Variants in ADGB observed in about 807,000 individuals in gnomAD.
ADGB encodes androglobin, also known as calpain-7-like protein.
Under a neutral mutation model 210.5 loss-of-function variants are expected in ADGB, and 172 were observed. The ratio of observed to expected loss-of-function variants is 0.82; its 90% confidence interval spans 0.72 to 0.93. The LOEUF (loss-of-function observed/expected upper bound fraction) is 0.93. ADGB is among the 40% of genes least tolerant of loss of function. The pLI is 0.00. For missense variants in ADGB, 2,025 were observed against 1,964.8 expected, an observed-to-expected ratio of 1.03 and a Z score of -0.58; for synonymous variants, 658 against 662.7, an observed-to-expected ratio of 0.99 and a Z score of 0.11.
intron 1 of ADGB, among the ~76,000 whole-genome samples, chr6:146,629,896 T>C (rs908616836): frequency 6.6e-6 from 1 of 152,172 alleles, no homozygotes; most frequent in African/African-American, 2.4e-5. Context: ...AGGATGATAG[T>C]AGATTAATAT....
chr6:146,766,450 T>A (rs1159685707), intron 28 of ADGB, among the ~76,000 whole-genome samples: 1 of 145,864 alleles, frequency 6.9e-6, no homozygotes. Context: ...TAAATTAAAT[T>A]AAATTAAATT....
chr6:146,719,678 T>C (rs1025847627), intron 16 of ADGB, among the ~76,000 whole-genome samples: 6 of 152,188 alleles, frequency 3.9e-5, no homozygotes, highest in Admixed American at 3.9e-4. Flanking sequence ...TGGTGCCATG[T>C]GCTGGCACCA....
chr6:146,715,119 T>A (rs1039412709), intron 13 of ADGB, among the ~76,000 whole-genome samples: 3 of 152,242 alleles, frequency 2.0e-5, no homozygotes, highest in Non-Finnish European at 4.4e-5. Context: ...TAACTCTTGT[T>A]ACAAGATTCA....
rs530266252 is a variant in ADGB at position 146,714,340 on chromosome 6, G to T, written c.1708-1042G>T. Among the ~76,000 whole-genome samples the T allele has an allele frequency of 4.0e-5, 6 of 151,496 alleles. No individual in the cohort carries two copies. The East Asian group carries it at 1.2e-3, about 29-fold the overall frequency. ...GTTTTTTTTTTTTTCCCCTGACTCTGGTGAGTTTCTCAGTTAATGGTCCTC... is the reference window on the plus strand; with the variant it reads ...GTTTTTTTTTTTTTCCCCTGACTCTTGTGAGTTTCTCAGTTAATGGTCCTC... On this transcript the variant is annotated intron_variant, in intron 13 of 35. Coordinates refer to ENST00000397944, the MANE Select transcript of ADGB (RefSeq NM_024694.4).
intron 25 of ADGB, among the ~76,000 whole-genome samples, chr6:146,741,473 C>T (rs367704560): frequency 1.9e-4 from 29 of 152,210 alleles, no homozygotes; most frequent in African/African-American, 5.5e-4. Flanking sequence ...TACCTCTCAA[C>T]GCTCTTTCTT....
intron 23 of ADGB, among the ~76,000 whole-genome samples, chr6:146,738,038 A>C (rs1777105605): frequency 6.6e-6 from 1 of 152,218 alleles, no homozygotes; most frequent in Admixed American, 6.5e-5. Context: ...TTTTATGGTT[A>C]AGAACACGTA....
intron 3 of ADGB, among the ~76,000 whole-genome samples, chr6:146,651,337 G>A (rs1775697348): frequency 6.6e-6 from 1 of 152,168 alleles, no homozygotes. Context: ...CTCACAAAGG[G>A]CACCAAATTA....
intron 1 of ADGB, among the ~76,000 whole-genome samples, chr6:146,605,085 T>C (rs1780613052): frequency 6.6e-6 from 1 of 152,100 alleles, no homozygotes; most frequent in Non-Finnish European, 1.5e-5. Context: ...ATGACAGGGA[T>C]AGATTAAGGA....
At chr6:146,805,245 G>C (rs1364463775) in intron 35 of ADGB, among the ~76,000 whole-genome samples, 1 of 152,130 alleles carries the variant, frequency 6.6e-6, no homozygotes, top group Non-Finnish European at 1.5e-5. Flanking sequence ...ACATTTCACT[G>C]ACCAGAGCAA....
At chr6:146,680,240 T>G (rs1482148322) in intron 9 of ADGB, among the ~76,000 whole-genome samples, 1 of 152,106 alleles carries the variant, frequency 6.6e-6, no homozygotes, top group Non-Finnish European at 1.5e-5. Context: ...GTGCTCTCAA[T>G]TACAATTCCC....
intron 13 of ADGB, among the ~76,000 whole-genome samples, chr6:146,709,446 A>G (rs1261107476): frequency 6.6e-6 from 1 of 152,170 alleles, no homozygotes; most frequent in Non-Finnish European, 1.5e-5. Flanking sequence ...GTACTCCTTG[A>G]ACAGGCTGGT....
At chr6:146,767,135 GAAGTGT>G (rs1226454760) in intron 28 of ADGB, among the ~76,000 whole-genome samples, 1 of 152,156 alleles carries the variant, frequency 6.6e-6, no homozygotes, top group Non-Finnish European at 1.5e-5. Flanking sequence ...ACTAATGTGG[GAAGTGT>G]AAGTGTGTTC....
At position 146,654,160 on chromosome 6, in the gene ADGB, T is replaced by C; in HGVS notation, c.356T>C (p.Ile119Thr). ...ACTCCAGTAGTTGTGAAAAATGAAA[T>C]CACGTTTGACTTATTTTCAGCAAAT... ...SQTPVVVKNEITFDLFSANEH... is the reference protein window; with the variant it reads ...SQTPVVVKNETTFDLFSANEH... The change falls in exon 4 of 36, where the codon ATC becomes ACC. Residue 119 changes from isoleucine (I) to threonine (T), a missense_variant. Transcript: ENST00000397944. The C allele has an allele frequency of 1.9e-6, 3 of 1,543,084 alleles. No homozygotes were observed. Among genetic ancestry groups the C allele is most frequent in the Non-Finnish European group, 2.6e-6 (3 of 1,141,014 alleles).
chr6:146,743,494 G>A (rs1403881688), intron 25 of ADGB, among the ~76,000 whole-genome samples: 2 of 152,160 alleles, frequency 1.3e-5, no homozygotes, highest in African/African-American at 2.4e-5. Context: ...TTGAGTCAAC[G>A]TTCAGAAGAA....
chr6:146,644,992 T>G (rs1419422048), intron 3 of ADGB, 127 bp downstream of exon 3: 1 of 492,620 alleles, frequency 2.0e-6, no homozygotes, highest in African/African-American at 2.0e-5. Context: ...AAAAAGTAAT[T>G]GCTTTTTGGC....
In ADGB at chr6:146,774,155, G is replaced by A. The variant is rs192612581; in HGVS notation, c.3862+5024G>A. On this transcript the variant is annotated intron_variant, in intron 29 of 35. Transcript: ENST00000397944. ...GTGAACACAAAAGTAATATAAAGAC[G>A]TCTGTCAGATATATATGACCCATAT... 3.0e-4 allele frequency among the ~76,000 whole-genome samples: 46 copies of A among 152,180 alleles called. No individual in the cohort carries two copies. In the East Asian group the frequency reaches 6.8e-3, roughly 22 times the overall value.
chr6:146,612,650 T>G (rs1172749242), intron 1 of ADGB, among the ~76,000 whole-genome samples: 2 of 152,080 alleles, frequency 1.3e-5, no homozygotes, highest in Non-Finnish European at 2.9e-5. Flanking sequence ...TTAGTCAAGG[T>G]TTTTCTTATC....
chr6:146,703,150 A>T (rs1162808393), intron 13 of ADGB, among the ~76,000 whole-genome samples: 1 of 151,824 alleles, frequency 6.6e-6, no homozygotes, highest in African/African-American at 2.4e-5. Context: ...TATTTTACCA[A>T]TTCATAGATG....
At chr6:146,804,467 T>A (rs1412776379) in intron 35 of ADGB, among the ~76,000 whole-genome samples, 3 of 152,082 alleles carry the variant, frequency 2.0e-5, no homozygotes, top group Non-Finnish European at 4.4e-5. Context: ...CCTTCCCATC[T>A]CAGCGCAAAT....
Sources: gnomAD v4.1 joint callset for allele counts (sites outside exome capture counted in the v4.1 genomes callset) on GRCh38, gnomAD v4.1.1 for gene constraint, MANE v1.5 for transcripts, NCBI Gene and HGNC (gene_info 2026-07-23, HGNC 2026-07-21) for gene names.